Variants in MTFR1L observed in about 807,000 individuals in gnomAD.
The protein encoded by MTFR1L is mitochondrial fission regulator 1-like.
Under a neutral mutation model 27.9 loss-of-function variants are expected in MTFR1L, and 10 were observed. The observed-to-expected ratio is 0.36, with a 90% confidence interval of 0.22 to 0.61. The LOEUF (loss-of-function observed/expected upper bound fraction) is 0.61. Among genes scored for constraint, MTFR1L ranks in the 20% least tolerant of loss-of-function variants. MTFR1L has a pLI of 0.73. For missense variants in MTFR1L, 315 were observed against 363.7 expected (o/e 0.87, Z 1.09); for synonymous variants, 151 against 139.4 (o/e 1.08, Z -0.58).
chr1:25,826,318 C>A lies in MTFR1L; in HGVS notation c.146C>A (p.Ser49Tyr). Residue 49 changes from serine to tyrosine, a missense_variant, in exon 4 of 7, where the codon TCT becomes TAT. Transcript: ENST00000374303. This position sits in a 1 kb window ranked among gnomAD's most constrained non-coding sequence, Gnocchi z 4.1. ...RASFETLPNI[S>Y]DLCLRDVPPV... ...TCTCCATAGACCCTGCCCAACATCT[C>A]TGACCTGTGTTTGAGAGATGTGCCC... 2 of 1,614,210 alleles carry A rather than the reference C, an allele frequency of 1.2e-6. No individual in the cohort carries two copies. Among genetic ancestry groups the A allele is most frequent in the Non-Finnish European group, 1.7e-6 (2 of 1,180,034 alleles).
intron 3 of MTFR1L, 146 bp downstream of exon 3, chr1:25,823,894 T>C: frequency 9.2e-7 from 1 of 1,085,204 alleles, no homozygotes; most frequent in South Asian, 1.7e-5. Flanking sequence ...TAAGATATCC[T>C]GGTCACTGTG....
intron 3 of MTFR1L, among the ~76,000 whole-genome samples, chr1:25,824,504 A>AGAAATATGTGCAT (rs2048143260): frequency 6.6e-6 from 1 of 152,240 alleles, no homozygotes; most frequent in Non-Finnish European, 1.5e-5. Context: ...CAGAGGAGAT[A>AGAAATATGTGCAT]GAAATATGTG....
chr1:25,822,736 C>T (rs552059419), intron 1 of MTFR1L: 2 of 533,050 alleles, frequency 3.8e-6, no homozygotes, highest in Admixed American at 3.4e-5. Context: ...CTGTGTTAGC[C>T]AGGATGGTCT....
At chr1:25,831,051 C>T (rs1198846249) in intron 6 of MTFR1L, among the ~76,000 whole-genome samples, 1 of 152,160 alleles carries the variant, frequency 6.6e-6, no homozygotes, top group Non-Finnish European at 1.5e-5. Flanking sequence ...AGATTCAAGA[C>T]CCTTATTGCT....
At chr1:25,829,293 C>G (rs6662079) in intron 5 of MTFR1L, among the ~76,000 whole-genome samples, 2,800 of 152,276 alleles carry the variant, frequency 0.018, 85 homozygotes, top group African/African-American at 0.064. Context: ...TCCTGGAACA[C>G]TGGAAAAGCC....
At position 25,826,344 on chromosome 1, in the gene MTFR1L, C is replaced by T. The variant is rs35448678; in HGVS notation, c.172C>T (p.Pro58Ser). 4.1e-3 allele frequency: 6,618 copies of T among 1,614,176 alleles called. 240 individuals are homozygous for T. In the African/African-American group the frequency reaches 0.075, roughly 18 times the overall value. ...TGACCTGTGTTTGAGAGATGTGCCC[C>T]CAGTCCCTACCCTGGCTGACATCGC... ...ISDLCLRDVP[P>S]VPTLADIAWI... The change falls in exon 4 of 7, where the codon CCA becomes TCA. Residue 58 changes from proline to serine, a missense_variant. Physicochemically the swap from Pro to Ser is moderately conservative, Grantham distance 74. Coordinates refer to ENST00000374303, the MANE Select transcript of MTFR1L (RefSeq NM_001099625.2). This position sits in a 1 kb window ranked among gnomAD's most constrained non-coding sequence, Gnocchi z 4.1.
Position 25,823,099 on chromosome 1 carries a change from G to A in MTFR1L, c.-6G>A, listed in dbSNP as rs2048118446. ...CCTTGTCCTTCAAGTGCAGGAGCTG[G>A]TTCAAATGTCAGGAATGGAAGCCAC... On this transcript the variant is annotated 5_prime_UTR_variant, in exon 2 of 7. Coordinates refer to ENST00000374303, the MANE Select transcript of MTFR1L (RefSeq NM_001099625.2). 6.2e-7 allele frequency: 1 copy of A among 1,614,216 alleles called. No individual in the cohort carries two copies. Among genetic ancestry groups the A allele is most frequent in the Non-Finnish European group, 8.5e-7 (1 of 1,180,044 alleles).
chr1:25,829,486 A>G (rs777975865), intron 5 of MTFR1L, 23 bp from the exon 6 acceptor site: 23 of 1,603,066 alleles, frequency 1.4e-5, no homozygotes, highest in Non-Finnish European at 2.0e-5. Flanking sequence ...ATGTCCACCC[A>G]TGCCTATTGT....
intron 2 of MTFR1L, chr1:25,823,412 C>T (rs1252306847): frequency 1.3e-6 from 1 of 744,522 alleles, no homozygotes; most frequent in Non-Finnish European, 2.4e-6. Context: ...CCTGACCCTC[C>T]CAACATTGAC....
At chr1:25,829,330 C>T (rs1217076937) in intron 5 of MTFR1L, among the ~76,000 whole-genome samples, 179 bp from the exon 6 acceptor site, 1 of 152,078 alleles carries the variant, frequency 6.6e-6, no homozygotes, top group Non-Finnish European at 1.5e-5. Flanking sequence ...TTCTGAGCCC[C>T]CGAGTGAGAA....
In MTFR1L at chr1:25,832,244, T is replaced by C. The variant is rs1467502092; in HGVS notation, c.*218T>C. The C allele has an allele frequency of 7.3e-7, 1 of 1,364,746 alleles. No homozygotes were observed. Among genetic ancestry groups the C allele is most frequent in the African/African-American group, 1.4e-5 (1 of 69,186 alleles). 84.5% of individuals were successfully genotyped at this position (1,364,746 alleles called of 1,614,324 possible). A position where few individuals can be genotyped will look rare whatever the true frequency, so the allele number is the denominator to read the frequency against. ...CTTGTGATTTGACCTGAGACATTTG[T>C]TTCAGGTAATCGTGTAGAATGAAGT... is the stretch of plus-strand genomic sequence containing the variant. On this transcript the variant is annotated 3_prime_UTR_variant, in exon 7 of 7. Coordinates refer to ENST00000374303, the MANE Select transcript of MTFR1L (RefSeq NM_001099625.2).
At chr1:25,827,647 A>G (rs10794513) in intron 5 of MTFR1L, among the ~76,000 whole-genome samples, 119,249 of 151,996 alleles carry the variant, frequency 0.78, 47,038 homozygotes, top group East Asian at 0.98. Context: ...TGCCACATTA[A>G]TCAGGCTGGT....
chr1:25,826,628 C>T lies in MTFR1L; in HGVS notation c.253C>T (p.Pro85Ser). ...TYARVRSDTRPLRHTWKPSPL... is the reference protein window; with the variant it reads ...TYARVRSDTRSLRHTWKPSPL... ...TCCCTGGTCCAGGAGTGATACGCGCCCCCTGAGGCACACCTGGAAACCCAG... is the reference window on the plus strand; with the variant it reads ...TCCCTGGTCCAGGAGTGATACGCGCTCCCTGAGGCACACCTGGAAACCCAG... Residue 85 changes from proline (P) to serine (S), a missense_variant, in exon 5 of 7, where the codon CCC becomes TCC. Physicochemically the swap from Pro to Ser is moderately conservative, Grantham distance 74. Coordinates refer to ENST00000374303, the MANE Select transcript of MTFR1L (RefSeq NM_001099625.2). The surrounding 1 kb of genome is among the most constrained non-coding windows in gnomAD (Gnocchi z 4.1). 6.2e-7 allele frequency: 1 copy of T among 1,614,160 alleles called. No homozygotes were observed. Among genetic ancestry groups the T allele is most frequent in the Non-Finnish European group, 8.5e-7 (1 of 1,180,026 alleles).
chr1:25,823,486 A>G, intron 2 of MTFR1L, 158 bp from the exon 3 acceptor site: 1 of 1,205,262 alleles, frequency 8.3e-7, no homozygotes, highest in Non-Finnish European at 1.2e-6. Context: ...CAACTGGGGA[A>G]CCTGCCCTCA....
intron 1 of MTFR1L, 170 bp downstream of exon 1, chr1:25,820,199 C>T (rs772696609): frequency 2.6e-5 from 12 of 453,754 alleles, no homozygotes; most frequent in African/African-American, 4.0e-5. Context: ...AACTGAGTCC[C>T]CGAAGGGTAG....
intron 1 of MTFR1L, 163 bp downstream of exon 1, chr1:25,820,192 T>A (rs1413186051): frequency 1.3e-5 from 6 of 453,362 alleles, no homozygotes; most frequent in Non-Finnish European, 4.4e-6. Flanking sequence ...CGGGGGAAAC[T>A]GAGTCCCCGA....
chr1:25,826,441 G>A lies in MTFR1L; in HGVS notation c.239+30G>A. ...TTGAGGCAGTAGCTGGTCTGCTAAG[G>A]AATGGAGAACTTCCCAGAAGAGGTG... On this transcript the variant is annotated intron_variant, in intron 4 of 6. Transcript: ENST00000374303. This position sits in a 1 kb window ranked among gnomAD's most constrained non-coding sequence, Gnocchi z 4.1. 2 of 1,611,554 alleles carry A rather than the reference G, an allele frequency of 1.2e-6. No homozygotes were observed. The highest frequency in any genetic ancestry group is 1.7e-6 in the Non-Finnish European group (2 of 1,177,666).
chr1:25,832,045 A>G lies in MTFR1L; in HGVS notation c.*19A>G. On this transcript the variant is annotated 3_prime_UTR_variant, in exon 7 of 7. Coordinates refer to ENST00000374303, the MANE Select transcript of MTFR1L (RefSeq NM_001099625.2). ...AAATTGACAACCCTCAGCTCTGCAA[A>G]CTCAGTCTCATGCTCCTGGAATACC... 2 of 1,614,080 alleles carry G rather than the reference A, an allele frequency of 1.2e-6. No homozygotes were observed. The highest frequency in any genetic ancestry group is 2.2e-5 in the East Asian group (1 of 44,882).
intron 3 of MTFR1L, 22 bp downstream of exon 3, chr1:25,823,770 G>T: frequency 6.2e-7 from 1 of 1,612,112 alleles, no homozygotes; most frequent in South Asian, 1.1e-5. Flanking sequence ...GGAAGGGCAG[G>T]AGAGTAGAGG....
Sources: gnomAD v4.1 joint callset for allele counts (sites outside exome capture counted in the v4.1 genomes callset) on GRCh38, gnomAD v4.1.1 for gene constraint, Gnocchi (gnomAD v3.1) non-coding constraint, MANE v1.5 for transcripts, NCBI Gene and HGNC (gene_info 2026-07-23, HGNC 2026-07-21) for gene names.